The following NLGN1 variants were observed in gnomAD, a reference collection of about 807,000 sequenced individuals.
NLGN1 encodes neuroligin 1.
In NLGN1, 12 loss-of-function variants were observed where a neutral mutation model predicts 65.5. The observed-to-expected ratio is 0.18, with a 90% CI of 0.12 to 0.30. NLGN1 has a LOEUF of 0.30. NLGN1 is among the 10% of genes least tolerant of loss of function. The pLI is 1.00. For missense variants in NLGN1, 750 were observed against 1,007.1 expected (o/e 0.74, Z 3.46); for synonymous variants, 350 against 359.5 (o/e 0.97, Z 0.30).
chr3:174,047,654 A>C (rs971938469), intron 4 of NLGN1, among the ~76,000 whole-genome samples: 1 of 152,066 alleles, frequency 6.6e-6, no homozygotes, highest in Admixed American at 6.6e-5. Flanking sequence ...AGATACACAT[A>C]GTAATACGTG....
intron 3 of NLGN1, among the ~76,000 whole-genome samples, chr3:173,685,394 T>C (rs776033198): frequency 1.3e-5 from 2 of 152,218 alleles, no homozygotes; most frequent in Non-Finnish European, 2.9e-5. Flanking sequence ...AATTAAGAGC[T>C]AAACGTGTTT....
chr3:174,133,873 TC>T (rs1217759248), intron 4 of NLGN1, among the ~76,000 whole-genome samples: 1 of 128,738 alleles, frequency 7.8e-6, no homozygotes. Flanking sequence ...TCTTTATCTC[TC>T]CCCCACCACA....
chr3:174,029,757 C>T (rs1560878574), intron 4 of NLGN1, among the ~76,000 whole-genome samples: 7 of 152,070 alleles, frequency 4.6e-5, no homozygotes. Flanking sequence ...GGAGTGGTTT[C>T]CCCCATGCTG....
intron 4 of NLGN1, among the ~76,000 whole-genome samples, chr3:174,007,147 C>T (rs922672986): frequency 1.3e-5 from 2 of 152,158 alleles, no homozygotes; most frequent in South Asian, 2.1e-4. Flanking sequence ...AAAGACCATG[C>T]GGAGCACAGT....
At chr3:173,878,068 GTC>G (rs1386350021) in intron 4 of NLGN1, among the ~76,000 whole-genome samples, 1 of 152,016 alleles carries the variant, frequency 6.6e-6, no homozygotes, top group South Asian at 2.1e-4. Flanking sequence ...TTGAGACAGA[GTC>G]TCGCTCTGTC....
intron 4 of NLGN1, among the ~76,000 whole-genome samples, chr3:174,162,122 C>A (rs968838645): frequency 5.3e-5 from 8 of 151,816 alleles, no homozygotes; most frequent in African/African-American, 1.9e-4. Flanking sequence ...TGAGGAACAA[C>A]CTGACCCCCC....
At chr3:173,471,510 T>A (rs1012573286) in intron 2 of NLGN1, among the ~76,000 whole-genome samples, 10 of 152,120 alleles carry the variant, frequency 6.6e-5, no homozygotes, top group African/African-American at 1.9e-4. Context: ...TTTATAAGAA[T>A]GTCGGCCATA....
chr3:173,906,960 A>G (rs1203184765), intron 4 of NLGN1, among the ~76,000 whole-genome samples: 1 of 152,058 alleles, frequency 6.6e-6, no homozygotes, highest in Non-Finnish European at 1.5e-5. Context: ...AGGTCTTTGT[A>G]AGCCTCAAAT....
At chr3:173,462,999 T>C (rs1319293883) in intron 2 of NLGN1, among the ~76,000 whole-genome samples, 2 of 152,216 alleles carry the variant, frequency 1.3e-5, no homozygotes, top group Non-Finnish European at 2.9e-5. Flanking sequence ...GGATTATTTG[T>C]AACTCTGGTC....
At chr3:174,265,546 G>A (rs925695194) in intron 4 of NLGN1, among the ~76,000 whole-genome samples, 5 of 151,694 alleles carry the variant, frequency 3.3e-5, no homozygotes, top group Non-Finnish European at 4.4e-5. Context: ...GCTCGCACAC[G>A]GTGCGCGCAC....
intron 4 of NLGN1, among the ~76,000 whole-genome samples, chr3:174,217,910 A>G (rs1737929894): frequency 6.6e-6 from 1 of 152,022 alleles, no homozygotes; most frequent in Admixed American, 6.6e-5. Context: ...AGGGGGATAA[A>G]GAAGACAAAC....
intron 4 of NLGN1, among the ~76,000 whole-genome samples, chr3:174,053,235 T>C (rs1735310540): frequency 6.6e-6 from 1 of 151,914 alleles, no homozygotes; most frequent in Non-Finnish European, 1.5e-5. Flanking sequence ...TTAGTGTGCT[T>C]CTCAACAAAG....
chr3:173,581,982 C>T (rs1746480419), intron 2 of NLGN1, among the ~76,000 whole-genome samples: 1 of 151,878 alleles, frequency 6.6e-6, no homozygotes, highest in Admixed American at 6.6e-5. Flanking sequence ...AACCTCTACC[C>T]TGAATATCAT....
chr3:174,085,840 T>G (rs192563297), intron 4 of NLGN1, among the ~76,000 whole-genome samples: 1 of 152,124 alleles, frequency 6.6e-6, no homozygotes, highest in East Asian at 1.9e-4. Flanking sequence ...TTCTATAACT[T>G]TTCACATATT....
rs372597518 is a variant in NLGN1, at chr3:173,929,440, G to T, written c.646+121608G>T. On this transcript the variant is annotated intron_variant, in intron 4 of 6. Transcript: ENST00000457714. ...AAGGATATTGCAGGTTGTCAGATTTGCCCACACAATATCTGAAGTCAGACC... is the reference window on the plus strand; with the variant it reads ...AAGGATATTGCAGGTTGTCAGATTTTCCCACACAATATCTGAAGTCAGACC... Among the ~76,000 whole-genome samples, 7 of 152,032 alleles carry T rather than the reference G, an allele frequency of 4.6e-5. 1 individual carries two copies. In the East Asian group the frequency reaches 9.7e-4, roughly 21 times the overall value.
intron 4 of NLGN1, among the ~76,000 whole-genome samples, chr3:173,885,310 CAT>C (rs201199667): frequency 1.3e-5 from 2 of 151,988 alleles, no homozygotes; most frequent in African/African-American, 2.4e-5. Context: ...TTTTTTCAAA[CAT>C]ATGATATCTG....
intron 4 of NLGN1, among the ~76,000 whole-genome samples, chr3:174,045,745 T>C (rs538093886): frequency 6.6e-6 from 1 of 152,338 alleles, no homozygotes; most frequent in African/African-American, 2.4e-5. Context: ...ATGACTTATG[T>C]TTTTATTCTT....
intron 4 of NLGN1, among the ~76,000 whole-genome samples, chr3:174,266,070 A>G (rs531629467): frequency 1.4e-5 from 2 of 140,666 alleles, no homozygotes; most frequent in South Asian, 4.4e-4. Context: ...TCCAACTTTT[A>G]TTTTAGGTGC....
chr3:174,044,183 A>G (rs1208870603), intron 4 of NLGN1, among the ~76,000 whole-genome samples: 4 of 152,026 alleles, frequency 2.6e-5, no homozygotes, highest in Non-Finnish European at 5.9e-5. Flanking sequence ...CCACAACACC[A>G]TTGTTTCCTC....
Sources: allele counts gnomAD v4.1 joint callset (sites outside exome capture counted in the v4.1 genomes callset), GRCh38; gene constraint gnomAD v4.1.1; transcripts MANE v1.5; gene names NCBI Gene and HGNC (gene_info 2026-07-23, HGNC 2026-07-21).